KALRN: variants seen among roughly 807,000 people sequenced by gnomAD.
KALRN encodes kalirin RhoGEF kinase, also known as kalirin.
In KALRN, 70 loss-of-function variants were observed where a neutral mutation model predicts 353.7. The observed-to-expected ratio is 0.20, with a 90% CI of 0.16 to 0.24. The LOEUF is 0.24. KALRN is among the 10% of genes least tolerant of loss of function. The probability of loss-of-function intolerance (pLI) is 1.00; values close to 1 mark genes in which losing one functional copy is unlikely to be tolerated. For missense variants in KALRN, 2,791 were observed against 3,756.7 expected (o/e 0.74, Z 6.72); for synonymous variants, 1,391 against 1,434.8 (o/e 0.97, Z 0.69).
At chr3:124,202,477 C>T (rs1220765812) in intron 1 of KALRN, among the ~76,000 whole-genome samples, 1 of 152,194 alleles carries the variant, frequency 6.6e-6, no homozygotes, top group Non-Finnish European at 1.5e-5. Context: ...GTCTCAAACT[C>T]ATGGGCTCAA....
intron 1 of KALRN, among the ~76,000 whole-genome samples, chr3:124,195,098 A>G (rs1352112699): frequency 6.6e-6 from 1 of 152,178 alleles, no homozygotes; most frequent in Non-Finnish European, 1.5e-5. Context: ...GCTTATTACT[A>G]CTAGCAGAGA....
chr3:124,643,521 G>A (rs1578595114), intron 37 of KALRN, among the ~76,000 whole-genome samples: 1 of 152,064 alleles, frequency 6.6e-6, no homozygotes, highest in African/African-American at 2.4e-5. Flanking sequence ...TCACTCTGTC[G>A]CCCAGACTGG....
At chr3:124,352,064 C>G (rs781650878) in intron 10 of KALRN, among the ~76,000 whole-genome samples, 1 of 152,164 alleles carries the variant, frequency 6.6e-6, no homozygotes, top group Non-Finnish European at 1.5e-5. Context: ...ATAGAAGTCC[C>G]GGGCACTGGC....
intron 33 of KALRN, among the ~76,000 whole-genome samples, chr3:124,542,555 C>G (rs1202698953): frequency 2.6e-5 from 4 of 152,108 alleles, no homozygotes; most frequent in Admixed American, 2.6e-4. Context: ...GATGACTACC[C>G]CTTGTTGTCA....
intron 33 of KALRN, among the ~76,000 whole-genome samples, chr3:124,536,047 C>T (rs539625998): frequency 6.6e-6 from 1 of 152,214 alleles, no homozygotes; most frequent in East Asian, 1.9e-4. Flanking sequence ...GATAATATGC[C>T]TGCAATAGCT....
At chr3:124,291,770 G>A (rs2076439495) in intron 5 of KALRN, among the ~76,000 whole-genome samples, 1 of 152,198 alleles carries the variant, frequency 6.6e-6, no homozygotes, top group Admixed American at 6.5e-5. Context: ...AGGCTGTGCT[G>A]TCCTTCCTTG....
At chr3:124,607,832 T>C (rs2077509526) in intron 34 of KALRN, among the ~76,000 whole-genome samples, 1 of 152,160 alleles carries the variant, frequency 6.6e-6, no homozygotes, top group South Asian at 2.1e-4. Context: ...CTCAAACTCC[T>C]GGCCTCAAGT....
chr3:124,654,538 T>C (rs902481569), intron 38 of KALRN, among the ~76,000 whole-genome samples: 1 of 152,216 alleles, frequency 6.6e-6, no homozygotes, highest in Non-Finnish European at 1.5e-5. Flanking sequence ...TGGAAGAGTT[T>C]GACTCCAGTA....
At chr3:124,310,249 G>T (rs1162178006) in intron 6 of KALRN, among the ~76,000 whole-genome samples, 1 of 151,888 alleles carries the variant, frequency 6.6e-6, no homozygotes, top group African/African-American at 2.4e-5. Context: ...ATAAAGCATT[G>T]TTGAAAGAAA....
At chr3:124,272,426 T>C (rs530844292) in intron 5 of KALRN, among the ~76,000 whole-genome samples, 1 of 152,328 alleles carries the variant, frequency 6.6e-6, no homozygotes, top group Admixed American at 6.5e-5. Flanking sequence ...AGTTAGAGGT[T>C]AGTGAAAATA....
At chr3:124,048,606 C>G (rs765785048) in intron 1 of KALRN, among the ~76,000 whole-genome samples, 2 of 151,994 alleles carry the variant, frequency 1.3e-5, no homozygotes, top group South Asian at 2.1e-4. Flanking sequence ...CTCAGCCTCC[C>G]GAGTAGCTGG....
At chr3:124,519,321 T>C in intron 33 of KALRN, 1 of 984,766 alleles carries the variant, frequency 1.0e-6, no homozygotes, top group Non-Finnish European at 1.2e-6. Flanking sequence ...CAATTTTTCA[T>C]AATAAAAAAG....
At chr3:124,636,856 T>A (rs571966023) in intron 36 of KALRN, among the ~76,000 whole-genome samples, 41 of 152,308 alleles carry the variant, frequency 2.7e-4, no homozygotes, top group Non-Finnish European at 4.9e-4. Context: ...CAAAGTCTCG[T>A]TTGCCCACAG....
chr3:124,686,687 A>AGC (rs1285571873), intron 51 of KALRN, among the ~76,000 whole-genome samples: 2 of 152,092 alleles, frequency 1.3e-5, no homozygotes, highest in Admixed American at 1.3e-4. Flanking sequence ...CCTGCTAGGA[A>AGC]GCCAGGACTT....
At chr3:124,245,665 T>TA (rs56030174) in intron 3 of KALRN, among the ~76,000 whole-genome samples, 39,905 of 151,938 alleles carry the variant, frequency 0.26, 6,580 homozygotes, top group Non-Finnish European at 0.37. Context: ...TTTCTGTTTT[T>TA]TTTTGTCATT....
chr3:124,476,057 A>G (rs1320155683), intron 26 of KALRN, among the ~76,000 whole-genome samples: 1 of 151,906 alleles, frequency 6.6e-6, no homozygotes, highest in Non-Finnish European at 1.5e-5. Context: ...ATCATCTCCT[A>G]GGTAGTACAT....
At chr3:124,153,552 A>G (rs1186762200) in intron 1 of KALRN, among the ~76,000 whole-genome samples, 1 of 150,358 alleles carries the variant, frequency 6.7e-6, no homozygotes, top group Non-Finnish European at 1.5e-5. Flanking sequence ...AGTCTTTGCT[A>G]TTGTGAATAG....
intron 1 of KALRN, among the ~76,000 whole-genome samples, chr3:124,078,716 T>G (rs1219610640): frequency 6.6e-6 from 1 of 152,226 alleles, no homozygotes; most frequent in African/African-American, 2.4e-5. Context: ...ATAGTAAAAT[T>G]GCTTTAAGTC....
At chr3:124,415,717 A>G (rs1250960128) in intron 14 of KALRN, among the ~76,000 whole-genome samples, 1 of 152,132 alleles carries the variant, frequency 6.6e-6, no homozygotes, top group African/African-American at 2.4e-5. Context: ...TGGCCCAGCA[A>G]TCTGTGGTTC....
Sources: gnomAD v4.1 joint callset for allele counts (sites outside exome capture counted in the v4.1 genomes callset) on GRCh38, gnomAD v4.1.1 for gene constraint, MANE v1.5 for transcripts, NCBI Gene and HGNC (gene_info 2026-07-23, HGNC 2026-07-21) for gene names.